The following AEBP2 variants were observed in gnomAD, a reference collection of about 807,000 sequenced individuals.
AEBP2 encodes the protein AE binding protein 2, also known as zinc finger protein AEBP2.
A neutral mutation model predicts 50.8 loss-of-function variants in AEBP2; 10 were observed. The observed-to-expected ratio is 0.20, with a 90% CI of 0.12 to 0.33. The LOEUF (loss-of-function observed/expected upper bound fraction) is 0.33. Among genes scored for constraint, AEBP2 ranks in the 10% least tolerant of loss-of-function variants. The probability of loss-of-function intolerance (pLI) is 1.00; values close to 1 mark genes in which losing one functional copy is unlikely to be tolerated. For synonymous variants in AEBP2, 296 were observed against 261.3 expected (o/e 1.13, Z -1.28); for missense variants, 570 against 688.0 (o/e 0.83, Z 1.92).
chr12:19,512,721 G>A (rs1949253325), intron 6 of AEBP2, among the ~76,000 whole-genome samples: 1 of 151,660 alleles, frequency 6.6e-6, no homozygotes, highest in Non-Finnish European at 1.5e-5. Flanking sequence ...CAGCACTTTG[G>A]GAGGCTGGGG....
intron 1 of AEBP2, among the ~76,000 whole-genome samples, chr12:19,446,389 A>T (rs1389637093): frequency 6.6e-6 from 1 of 152,140 alleles, no homozygotes; most frequent in East Asian, 1.9e-4. Flanking sequence ...AGGTGGGAGG[A>T]TCCCTTGAGC....
intron 1 of AEBP2, among the ~76,000 whole-genome samples, chr12:19,432,135 G>A (rs942687335): frequency 1.8e-4 from 27 of 152,170 alleles, no homozygotes; most frequent in African/African-American, 6.3e-4. Flanking sequence ...GAGAGAATTA[G>A]AGAAGCCCTA....
chr12:19,409,436 G>T (rs2095738112), intron 1 of AEBP2, among the ~76,000 whole-genome samples: 1 of 151,926 alleles, frequency 6.6e-6, no homozygotes. Flanking sequence ...GTCCCAAAGG[G>T]TTAAAACCTC....
At chr12:19,499,614 T>TAAAAA (rs374307323) in intron 4 of AEBP2, among the ~76,000 whole-genome samples, 1 of 112,162 alleles carries the variant, frequency 8.9e-6, no homozygotes, top group African/African-American at 3.1e-5. Flanking sequence ...ACTCTGTCTC[T>TAAAAA]TAAAAAAAAA....
intron 3 of AEBP2, among the ~76,000 whole-genome samples, chr12:19,493,465 C>T (rs1015459124): frequency 1.1e-4 from 16 of 152,166 alleles, no homozygotes; most frequent in Non-Finnish European, 1.5e-4. Flanking sequence ...GTTGCAAAAA[C>T]AGCTTAGTGC....
At chr12:19,463,699 A>T (rs1296591542) in intron 2 of AEBP2, among the ~76,000 whole-genome samples, 6 of 102,192 alleles carry the variant, frequency 5.9e-5, no homozygotes, top group Non-Finnish European at 7.2e-5. Context: ...TTTGAGACGG[A>T]GTCTCACTCT....
intron 1 of AEBP2, chr12:19,413,477 G>C (rs1663087709): frequency 4.8e-6 from 5 of 1,052,574 alleles, no homozygotes; most frequent in Non-Finnish European, 7.4e-6. Flanking sequence ...AGTGCTCACA[G>C]ACTAGAACTT....
chr12:19,516,496 C>T (rs1949320181), intron 7 of AEBP2, among the ~76,000 whole-genome samples: 1 of 152,138 alleles, frequency 6.6e-6, no homozygotes, highest in Non-Finnish European at 1.5e-5. Context: ...ACCAAACCAG[C>T]TTATTTTTTT....
intron 2 of AEBP2, among the ~76,000 whole-genome samples, chr12:19,465,465 A>G (rs1438404128): frequency 6.6e-6 from 1 of 152,182 alleles, no homozygotes; most frequent in Non-Finnish European, 1.5e-5. Flanking sequence ...TCTTTGAAGG[A>G]CATTATTTGC....
chr12:19,464,196 C>T (rs1243620414), intron 2 of AEBP2, among the ~76,000 whole-genome samples: 1 of 152,220 alleles, frequency 6.6e-6, no homozygotes, highest in African/African-American at 2.4e-5. Flanking sequence ...AGTGGTTGGG[C>T]TACTTTGGTA....
At chr12:19,450,032 C>G (rs1948139586) in intron 1 of AEBP2, among the ~76,000 whole-genome samples, 2 of 152,230 alleles carry the variant, frequency 1.3e-5, no homozygotes, top group East Asian at 1.9e-4. Context: ...ATAAAATAGG[C>G]ACTTGTCTTT....
chr12:19,445,239 C>T (rs1048393966), intron 1 of AEBP2, among the ~76,000 whole-genome samples: 1 of 152,038 alleles, frequency 6.6e-6, no homozygotes, highest in Non-Finnish European at 1.5e-5. Flanking sequence ...CACTCTGTCA[C>T]CCAGGCTGGA....
rs906943818 is a variant in AEBP2 at position 19,519,036 on chromosome 12, A to C, written c.*919A>C. ...TTTTTTTACAAGTATCTTCAAACTG[A>C]ATCTTTTATGCACCAAAGTTGGTCT... is the stretch of plus-strand genomic sequence containing the variant. On this transcript the variant is annotated 3_prime_UTR_variant, in exon 8 of 8. Transcript: ENST00000266508. The C allele has an allele frequency of 5.9e-6, 1 of 169,110 alleles. No individual in the cohort carries two copies. The highest frequency in any genetic ancestry group is 2.4e-5 in the African/African-American group (1 of 42,130). 10.5% of individuals were successfully genotyped at this position (169,110 alleles called of 1,614,324 possible). A position where few individuals can be genotyped will look rare whatever the true frequency, so the allele number is the denominator to read the frequency against.
chr12:19,494,675 C>G (rs1948944746), intron 4 of AEBP2, among the ~76,000 whole-genome samples: 1 of 151,842 alleles, frequency 6.6e-6, no homozygotes, highest in Non-Finnish European at 1.5e-5. Context: ...CCACCACACC[C>G]AGCCGATAGC....
chr12:19,413,113 T>C, intron 1 of AEBP2: 1 of 673,812 alleles, frequency 1.5e-6, no homozygotes, highest in Non-Finnish European at 2.7e-6. Flanking sequence ...AATTCAGTTT[T>C]TCCGGAATTC....
intron 3 of AEBP2, among the ~76,000 whole-genome samples, chr12:19,481,886 ATTG>A (rs886188015): frequency 1.3e-5 from 2 of 152,018 alleles, no homozygotes; most frequent in African/African-American, 4.8e-5. Flanking sequence ...CGTATCCTGT[ATTG>A]TTGTCTTTAA....
intron 6 of AEBP2, among the ~76,000 whole-genome samples, chr12:19,513,669 G>A (rs1191377512): frequency 4.6e-5 from 7 of 152,084 alleles, no homozygotes; most frequent in South Asian, 2.1e-4. Context: ...AGACTGAGGC[G>A]GGAAGATTGA....
upstream of AEBP2, among the ~76,000 whole-genome samples, chr12:19,434,522 A>G (rs1401382009): frequency 6.6e-6 from 1 of 151,494 alleles, no homozygotes; most frequent in Non-Finnish European, 1.5e-5. Context: ...TCAAGTTGTT[A>G]TAAAAGTTTA....
chr12:19,456,435 G>T, intron 1 of AEBP2: 1 of 1,410,352 alleles, frequency 7.1e-7, no homozygotes, highest in Non-Finnish European at 9.9e-7. Flanking sequence ...ATCAACGTTG[G>T]CAGCATCACC....
Sources: gnomAD v4.1 joint callset for allele counts (sites outside exome capture counted in the v4.1 genomes callset) on GRCh38, gnomAD v4.1.1 for gene constraint, MANE v1.5 for transcripts, NCBI Gene and HGNC (gene_info 2026-07-23, HGNC 2026-07-21) for gene names.